The following CALN1 variants were observed in gnomAD, a reference collection of about 807,000 sequenced individuals.
CALN1 encodes calcium-binding protein 8.
Under a neutral mutation model 30.6 loss-of-function variants are expected in CALN1, and 17 were observed. The ratio of observed to expected loss-of-function variants is 0.56; its 90% CI spans 0.38 to 0.83. The LOEUF is 0.83. Among genes scored for constraint, CALN1 ranks in the 40% least tolerant of loss-of-function variants. The pLI, the probability that CALN1 is intolerant of heterozygous loss-of-function variation, is 0.00. For missense variants in CALN1, 291 were observed against 354.9 expected (o/e 0.82, Z 1.45); for synonymous variants, 156 against 131.4 (o/e 1.19, Z -1.28).
Position 72,433,483 on chromosome 7 carries a change from C to T in CALN1, c.-226+13559G>A, listed in dbSNP as rs369235914. The stretch of plus-strand genomic sequence containing the variant: ...GATTATGCCAAGGCTGGGAGCCCTC[C>T]CCAAGATCAGGAAGCAATGCCCTGC... On this transcript the variant is annotated intron_variant, in intron 1 of 6. Coordinates refer to the CALN1 transcript ENST00000395276. Among the ~76,000 whole-genome samples, 8 of 152,210 alleles carry T rather than the reference C, an allele frequency of 5.3e-5. No individual in the cohort carries two copies. In the East Asian group the frequency reaches 1.5e-3, roughly 29 times the overall value.
chr7:72,006,698 C>G (rs950721805), intron 5 of CALN1, among the ~76,000 whole-genome samples: 1 of 151,892 alleles, frequency 6.6e-6, no homozygotes, highest in African/African-American at 2.4e-5. Context: ...GGATGGACCA[C>G]GAAGGCTATT....
chr7:72,181,831 A>G (rs893957923), intron 3 of CALN1, among the ~76,000 whole-genome samples: 2 of 152,164 alleles, frequency 1.3e-5, no homozygotes, highest in African/African-American at 2.4e-5. Context: ...TCCACATAAC[A>G]ATGACCATAA....
In CALN1 at chr7:72,257,656, A is replaced by G. The variant is rs145733807; in HGVS notation, c.244+21030T>C. On this transcript the variant is annotated intron_variant, in intron 3 of 6. Transcript: ENST00000395275. ...GAAGTCATTCTATGAAAAAGACACA[A>G]GCACACACGTTTATAGCAGCACAGT... 4.4e-3 allele frequency among the ~76,000 whole-genome samples: 667 copies of G among 152,330 alleles called. 4 individuals carry two copies. Among genetic ancestry groups the G allele is most frequent in the Non-Finnish European group, 7.1e-3 (485 of 68,030 alleles).
chr7:72,010,357 T>C (rs146601577), intron 5 of CALN1, among the ~76,000 whole-genome samples: 9 of 152,228 alleles, frequency 5.9e-5, no homozygotes, highest in Non-Finnish European at 8.8e-5. Flanking sequence ...AAGCAATGCA[T>C]TTCTCTTGTT....
chr7:72,228,435 TGTGTG>T (rs1562768309), intron 3 of CALN1, among the ~76,000 whole-genome samples: 2 of 151,936 alleles, frequency 1.3e-5, no homozygotes, highest in Non-Finnish European at 2.9e-5. Context: ...ATCACAGTGA[TGTGTG>T]CACAGCTCCG....
At position 72,277,098 on chromosome 7, in the gene CALN1, C is replaced by G. The variant is rs113003803; in HGVS notation, c.244+1588G>C. ...TGGTGTTTTGTTATAGCAGCCTGAA[C>G]AGACCAAGACGCCACCCAAGTGACA... On this transcript the variant is annotated intron_variant, in intron 3 of 6. Coordinates refer to ENST00000395275, the MANE Select transcript of CALN1 (RefSeq NM_031468.4). 4.9e-3 allele frequency among the ~76,000 whole-genome samples: 741 copies of G among 150,828 alleles called. 3 individuals are homozygous for G. The highest frequency in any genetic ancestry group is 0.017 in the African/African-American group (701 of 40,914).
intron 3 of CALN1, among the ~76,000 whole-genome samples, chr7:72,214,099 T>C (rs1007005352): frequency 2.0e-5 from 3 of 152,232 alleles, no homozygotes; most frequent in Admixed American, 2.0e-4. Flanking sequence ...CTGTCTACTA[T>C]GCAATGAATG....
intron 3 of CALN1, among the ~76,000 whole-genome samples, chr7:72,170,408 C>T (rs909990697): frequency 3.9e-5 from 6 of 152,216 alleles, no homozygotes; most frequent in Non-Finnish European, 5.9e-5. Context: ...AGTCTTCGAT[C>T]GTGACAAGGT....
At chr7:72,246,771 T>TTTTTTA (rs1795194829) in intron 3 of CALN1, among the ~76,000 whole-genome samples, 1 of 149,968 alleles carries the variant, frequency 6.7e-6, no homozygotes. Flanking sequence ...TTTTTTTTTT[T>TTTTTTA]GAGATGGAGT....
intron 3 of CALN1, among the ~76,000 whole-genome samples, chr7:72,139,870 T>C (rs910502726): frequency 6.6e-6 from 1 of 152,188 alleles, no homozygotes; most frequent in African/African-American, 2.4e-5. Context: ...CAAACACCTA[T>C]TTATTCTTTC....
At chr7:72,114,270 A>G (rs1023255792) in intron 3 of CALN1, among the ~76,000 whole-genome samples, 1,545 of 68,680 alleles carry the variant, frequency 0.022, 53 homozygotes, top group East Asian at 0.039. Flanking sequence ...AAGGGAAGGG[A>G]AGGGAAGGGA....
intron 4 of CALN1, among the ~76,000 whole-genome samples, chr7:72,090,203 G>A (rs1805760030): frequency 6.6e-6 from 1 of 152,182 alleles, no homozygotes; most frequent in African/African-American, 2.4e-5. Context: ...TTGGGAGGCT[G>A]AGGCAGGAGA....
intron 5 of CALN1, among the ~76,000 whole-genome samples, chr7:71,833,295 C>T (rs1366922105): frequency 6.6e-6 from 1 of 152,138 alleles, no homozygotes; most frequent in African/African-American, 2.4e-5. Context: ...AGCAACCATG[C>T]CCTGTTGGTG....
intron 5 of CALN1, among the ~76,000 whole-genome samples, chr7:71,877,120 T>A (rs1584426559): frequency 1.3e-5 from 2 of 152,206 alleles, no homozygotes; most frequent in East Asian, 3.9e-4. Context: ...AAAAAAACCA[T>A]ATAAATATCA....
chr7:72,314,999 T>G (rs1385786255), intron 2 of CALN1, among the ~76,000 whole-genome samples: 1 of 133,724 alleles, frequency 7.5e-6, no homozygotes, highest in Non-Finnish European at 1.6e-5. Flanking sequence ...AAAAAAAAAT[T>G]AATTAGCTGG....
chr7:72,111,486 C>G (rs1299081254), intron 3 of CALN1, among the ~76,000 whole-genome samples: 1 of 152,088 alleles, frequency 6.6e-6, no homozygotes, highest in Non-Finnish European at 1.5e-5. Context: ...CTGAGATAGT[C>G]TTGCTCTGTT....
At chr7:72,286,086 A>T (rs1176189741) in intron 2 of CALN1, among the ~76,000 whole-genome samples, 1 of 152,220 alleles carries the variant, frequency 6.6e-6, no homozygotes, top group East Asian at 1.9e-4. Flanking sequence ...AATGATGAAT[A>T]ATCAGTGGTG....
upstream of CALN1, among the ~76,000 whole-genome samples, chr7:72,413,528 C>T (rs1369899839): frequency 6.6e-6 from 1 of 151,792 alleles, no homozygotes; most frequent in Non-Finnish European, 1.5e-5. Context: ...CACTCATAAA[C>T]ACGCACACTC....
chr7:72,469,815 T>C, the CALN1 span, among the ~76,000 whole-genome samples: 1 of 152,212 alleles, frequency 6.6e-6, no homozygotes, highest in Non-Finnish European at 1.5e-5. Context: ...TTTTTTTCAC[T>C]CTTGCCTGAA....
Sources: gnomAD v4.1 joint callset for allele counts (sites outside exome capture counted in the v4.1 genomes callset) on GRCh38, gnomAD v4.1.1 for gene constraint, MANE v1.5 for transcripts, NCBI Gene and HGNC (gene_info 2026-07-23, HGNC 2026-07-21) for gene names.